AKAP19: variants seen among roughly 807,000 people sequenced by gnomAD.
The protein encoded by AKAP19 is A-kinase anchoring protein 19, also known as small A-kinase anchoring protein.
the AKAP19 span, among the ~76,000 whole-genome samples, chr2:190,022,744 T>C: frequency 1.3e-5 from 2 of 151,696 alleles, no homozygotes; most frequent in Admixed American, 6.6e-5. Flanking sequence ...TAGCAAATAG[T>C]AAGTCCCAAA....
the AKAP19 span, among the ~76,000 whole-genome samples, chr2:189,963,565 C>G: frequency 6.6e-6 from 1 of 152,158 alleles, no homozygotes; most frequent in Non-Finnish European, 1.5e-5. Context: ...ACTTCCTCCA[C>G]TGACATCTTG....
the AKAP19 span, among the ~76,000 whole-genome samples, chr2:189,961,440 C>G: frequency 2.2e-4 from 33 of 152,244 alleles, no homozygotes; most frequent in African/African-American, 7.7e-4. Context: ...CTTTACCATA[C>G]AGAGAACAGT....
the AKAP19 span, among the ~76,000 whole-genome samples, chr2:190,167,971 C>G: frequency 6.6e-6 from 1 of 152,130 alleles, no homozygotes; most frequent in African/African-American, 2.4e-5. Context: ...CAGGTGGTGC[C>G]CCAGTAGGAA....
the AKAP19 span, chr2:189,923,565 G>A: frequency 8.0e-5 from 129 of 1,614,014 alleles, no homozygotes; most frequent in East Asian, 2.7e-3. Context: ...ATGATTGCTG[G>A]CCAGGTTTTA....
chr2:189,932,804 T>C, the AKAP19 span, among the ~76,000 whole-genome samples: 3 of 152,222 alleles, frequency 2.0e-5, no homozygotes, highest in Non-Finnish European at 4.4e-5. Context: ...CAGGTTTTTA[T>C]TGACTGAATA....
the AKAP19 span, among the ~76,000 whole-genome samples, chr2:189,980,878 C>G: frequency 6.6e-6 from 1 of 152,068 alleles, no homozygotes; most frequent in Non-Finnish European, 1.5e-5. Context: ...TATTATGGTT[C>G]AAGAAGATGC....
At chr2:190,115,389 G>A in the AKAP19 span, among the ~76,000 whole-genome samples, 1 of 111,224 alleles carries the variant, frequency 9.0e-6, no homozygotes, top group Admixed American at 1.1e-4. Flanking sequence ...GCGCAATCTC[G>A]GCTCACTGCA....
chr2:190,086,310 T>C, the AKAP19 span, among the ~76,000 whole-genome samples: 4 of 152,226 alleles, frequency 2.6e-5, no homozygotes, highest in Non-Finnish European at 5.9e-5. Context: ...TAGTTGTTAG[T>C]AGGAGCAGTC....
chr2:190,015,491 T>C, the AKAP19 span, among the ~76,000 whole-genome samples: 1 of 152,196 alleles, frequency 6.6e-6, no homozygotes, highest in East Asian at 1.9e-4. Context: ...GAAAACATTG[T>C]TTCCCTGTAG....
chr2:190,143,086 A>G, the AKAP19 span, among the ~76,000 whole-genome samples: 1 of 152,018 alleles, frequency 6.6e-6, no homozygotes, highest in Non-Finnish European at 1.5e-5. Flanking sequence ...ATGACCATAT[A>G]ATAAGGTCCT....
At chr2:189,923,059 G>A in the AKAP19 span, among the ~76,000 whole-genome samples, 8 of 152,180 alleles carry the variant, frequency 5.3e-5, no homozygotes, top group African/African-American at 1.7e-4. Context: ...GCTGAGGCAG[G>A]AGAATTGCTA....
chr2:190,159,752 A>T, the AKAP19 span, among the ~76,000 whole-genome samples: 1 of 152,150 alleles, frequency 6.6e-6, no homozygotes, highest in Non-Finnish European at 1.5e-5. Context: ...GACTCACAAA[A>T]CCAGTCTTTT....
At chr2:190,004,473 A>T in the AKAP19 span, among the ~76,000 whole-genome samples, 1 of 89,158 alleles carries the variant, frequency 1.1e-5, no homozygotes, top group South Asian at 5.7e-4. Context: ...TCTCTACCTT[A>T]TCACCTATTA....
chr2:190,169,139 A>G, the AKAP19 span, among the ~76,000 whole-genome samples: 1 of 152,172 alleles, frequency 6.6e-6, no homozygotes, highest in East Asian at 1.9e-4. Context: ...AGAAGGTGAA[A>G]GGCATATCTC....
chr2:190,002,492 T>A, the AKAP19 span, among the ~76,000 whole-genome samples: 1 of 152,088 alleles, frequency 6.6e-6, no homozygotes, highest in South Asian at 2.1e-4. Flanking sequence ...TGTATACATA[T>A]GTAACAAACC....
the AKAP19 span, among the ~76,000 whole-genome samples, chr2:189,881,824 A>G: frequency 6.6e-6 from 1 of 152,350 alleles, no homozygotes; most frequent in South Asian, 2.1e-4. Flanking sequence ...AGAATCTAAG[A>G]ACAGATGTAC....
the AKAP19 span, among the ~76,000 whole-genome samples, chr2:189,960,127 G>A: frequency 1.3e-5 from 2 of 152,122 alleles, no homozygotes; most frequent in African/African-American, 4.8e-5. Flanking sequence ...CATATCACGT[G>A]TTTGATCATT....
the AKAP19 span, among the ~76,000 whole-genome samples, chr2:189,908,497 C>T: frequency 6.6e-6 from 1 of 151,976 alleles, no homozygotes; most frequent in Non-Finnish European, 1.5e-5. Context: ...GTGCCCAGCC[C>T]TATATACTTA....
the AKAP19 span, among the ~76,000 whole-genome samples, chr2:190,135,896 AT>A: frequency 1.3e-5 from 2 of 152,184 alleles, no homozygotes; most frequent in Non-Finnish European, 2.9e-5. Flanking sequence ...CATTCTCATT[AT>A]TAGTATGAGT....
Sources: gnomAD v4.1 joint callset for allele counts (sites outside exome capture counted in the v4.1 genomes callset) on GRCh38, gnomAD v4.1.1 for gene constraint, MANE v1.5 for transcripts, NCBI Gene and HGNC (gene_info 2026-07-23, HGNC 2026-07-21) for gene names.